PPP4R4: variants seen among roughly 807,000 people sequenced by gnomAD.
PPP4R4 encodes protein phosphatase 4 regulatory subunit 4, also known as serine/threonine-protein phosphatase 4 regulatory subunit 4.
A neutral mutation model predicts 121.8 loss-of-function variants in PPP4R4; 70 were observed. The ratio of observed to expected loss-of-function variants is 0.57; its 90% CI spans 0.47 to 0.70. The LOEUF (loss-of-function observed/expected upper bound fraction) is 0.70, where lower values mean the gene tolerates loss of function less well. Ranked by LOEUF, PPP4R4 falls within the 30% of genes least tolerant of loss-of-function variation. PPP4R4 has a pLI of 0.00. For synonymous variants in PPP4R4, 348 were observed against 355.7 expected (o/e 0.98, Z 0.24); for missense variants, 875 against 1,033.6 (o/e 0.85, Z 2.10).
chr14:94,246,349 A>G lies in PPP4R4; in HGVS notation c.1429-8A>G, dbSNP rs200025432. The G allele has an allele frequency of 1.4e-5, 22 of 1,584,548 alleles. No homozygotes were observed. Among genetic ancestry groups the G allele is most frequent in the Non-Finnish European group, 1.8e-5 (21 of 1,171,116 alleles). On this transcript the variant is annotated splice_polypyrimidine_tract_variant and splice_region_variant and intron_variant, in intron 13 of 24. Coordinates refer to ENST00000304338, the MANE Select transcript of PPP4R4 (RefSeq NM_058237.2). ...TATAATTGATTTTTTGATGCGTTTC[A>G]TTTTCAGTTATCTTCTCTGCCTGAC... is the stretch of plus-strand genomic sequence containing the variant.
chr14:94,253,029 TAGA>T (rs1176693699), intron 16 of PPP4R4, among the ~76,000 whole-genome samples: 1 of 152,246 alleles, frequency 6.6e-6, no homozygotes, highest in Non-Finnish European at 1.5e-5. Flanking sequence ...GGAACAAATC[TAGA>T]AGTTTTTCTT....
chr14:94,275,844 A>G (rs974128985), intron 24 of PPP4R4, among the ~76,000 whole-genome samples: 2 of 152,170 alleles, frequency 1.3e-5, no homozygotes, highest in African/African-American at 4.8e-5. Flanking sequence ...TTAAACACCT[A>G]GCTTAAGGAT....
chr14:94,236,168 A>G (rs900372485), intron 7 of PPP4R4, among the ~76,000 whole-genome samples: 2 of 152,182 alleles, frequency 1.3e-5, no homozygotes, highest in African/African-American at 4.8e-5. Flanking sequence ...CAATTAATGA[A>G]AGAGTTATCT....
chr14:94,263,895 A>C (rs2139638916), intron 19 of PPP4R4, among the ~76,000 whole-genome samples: 1 of 147,242 alleles, frequency 6.8e-6, no homozygotes, highest in Middle Eastern at 3.5e-3. Flanking sequence ...CTTAGTTTAC[A>C]TGTGCATTTG....
At chr14:94,181,243 TGAGA>T (rs1193029279) in intron 2 of PPP4R4, among the ~76,000 whole-genome samples, 3 of 151,940 alleles carry the variant, frequency 2.0e-5, no homozygotes, top group South Asian at 2.1e-4. Context: ...TGTGTGTGTG[TGAGA>T]GAGAGAAAGA....
chr14:94,262,557 C>T (rs898716267), intron 19 of PPP4R4, among the ~76,000 whole-genome samples: 1 of 151,982 alleles, frequency 6.6e-6, no homozygotes, highest in East Asian at 1.9e-4. Context: ...CTCCTCCACA[C>T]CCATTCTTCA....
At chr14:94,245,085 A>G (rs912963582) in intron 12 of PPP4R4, among the ~76,000 whole-genome samples, 5 of 152,118 alleles carry the variant, frequency 3.3e-5, no homozygotes, top group African/African-American at 1.2e-4. Context: ...TTGTAATCAT[A>G]TATCACATTT....
chr14:94,246,452 G>C lies in PPP4R4; in HGVS notation c.1524G>C (p.Gln508His), dbSNP rs1245907079. The C allele has an allele frequency of 5.6e-6, 9 of 1,614,108 alleles. No individual in the cohort carries two copies. The highest frequency in any genetic ancestry group is 7.6e-6 in the Non-Finnish European group (9 of 1,179,968). Residue 508 changes from glutamine (Q) to histidine (H), a missense_variant, in exon 14 of 25, where the codon CAG becomes CAC. Transcript: ENST00000304338. ...GGAGAACTCATGAGAAGCTACTTCA[G>C]AAATATGCCTGCCTGCCACATGTCA... ...LKWRTHEKLL[Q>H]KYACLPHVIS...
chr14:94,246,292 C>G, intron 13 of PPP4R4, 65 bp from the exon 14 acceptor site: 2 of 1,400,464 alleles, frequency 1.4e-6, no homozygotes, highest in Non-Finnish European at 1.9e-6. Context: ...TGTTATAAGA[C>G]TGAGTAATTT....
chr14:94,238,421 C>T (rs1342121770), intron 8 of PPP4R4, among the ~76,000 whole-genome samples: 1 of 152,196 alleles, frequency 6.6e-6, no homozygotes, highest in Non-Finnish European at 1.5e-5. Flanking sequence ...AACTTTTTCA[C>T]CTAATTGACA....
At chr14:94,265,941 C>A in intron 22 of PPP4R4, 54 bp downstream of exon 22, 2 of 1,165,822 alleles carry the variant, frequency 1.7e-6, no homozygotes, top group Non-Finnish European at 2.4e-6. Flanking sequence ...TTATTCACAT[C>A]TTCATATATA....
intron 5 of PPP4R4, among the ~76,000 whole-genome samples, chr14:94,232,703 G>T (rs1892107800): frequency 6.6e-6 from 1 of 152,158 alleles, no homozygotes; most frequent in Non-Finnish European, 1.5e-5. Flanking sequence ...AAATTAAAGA[G>T]ATCTTAGTAG....
chr14:94,259,739 A>T (rs1444170249), intron 19 of PPP4R4, among the ~76,000 whole-genome samples: 1 of 152,182 alleles, frequency 6.6e-6, no homozygotes, highest in African/African-American at 2.4e-5. Context: ...ACAACCAATG[A>T]TATAGTTTCT....
At chr14:94,187,026 T>C (rs879641193) in intron 2 of PPP4R4, among the ~76,000 whole-genome samples, 1 of 152,162 alleles carries the variant, frequency 6.6e-6, no homozygotes, top group Non-Finnish European at 1.5e-5. Flanking sequence ...TGAAATATAC[T>C]TTGTTAGGCC....
chr14:94,255,238 T>TA (rs1234683979), intron 16 of PPP4R4, among the ~76,000 whole-genome samples: 3 of 152,168 alleles, frequency 2.0e-5, no homozygotes, highest in Non-Finnish European at 4.4e-5. Flanking sequence ...ATGAAAACCT[T>TA]AAATAAATTC....
At chr14:94,265,285 G>A (rs1893980021) in intron 20 of PPP4R4, 102 bp from the exon 21 acceptor site, 2 of 801,864 alleles carry the variant, frequency 2.5e-6, no homozygotes, top group African/African-American at 1.8e-5. Flanking sequence ...AAGCTGCTTA[G>A]CTAGGGATAG....
chr14:94,268,833 G>A (rs536437138), intron 23 of PPP4R4, among the ~76,000 whole-genome samples: 5 of 152,160 alleles, frequency 3.3e-5, no homozygotes, highest in South Asian at 4.2e-4. Flanking sequence ...ACCTCCCACC[G>A]GGTCCCTCCC....
chr14:94,217,731 A>C (rs934537784), intron 3 of PPP4R4, among the ~76,000 whole-genome samples: 2 of 152,208 alleles, frequency 1.3e-5, no homozygotes, highest in Non-Finnish European at 2.9e-5. Context: ...GTGGTGGCTC[A>C]CGCCTGTAAT....
At chr14:94,259,420 G>T in intron 19 of PPP4R4, 51 bp downstream of exon 19, 1 of 1,444,876 alleles carries the variant, frequency 6.9e-7, no homozygotes, top group Non-Finnish European at 9.1e-7. Context: ...ATTAATAACT[G>T]TGTTTTTTTA....
Sources: gnomAD v4.1 joint callset for allele counts (sites outside exome capture counted in the v4.1 genomes callset) on GRCh38, gnomAD v4.1.1 for gene constraint, MANE v1.5 for transcripts, NCBI Gene and HGNC (gene_info 2026-07-23, HGNC 2026-07-21) for gene names.